Variants in XPR1 observed in about 807,000 individuals in gnomAD.
XPR1 encodes the protein solute carrier family 53 member 1.
A neutral mutation model predicts 87.5 loss-of-function variants in XPR1; 28 were observed. The ratio of observed to expected loss-of-function variants is 0.32; its 90% CI spans 0.24 to 0.44. The LOEUF is 0.44. Ranked by LOEUF, XPR1 falls within the 20% of genes least tolerant of loss-of-function variation. The probability of loss-of-function intolerance (pLI) is 1.00; values close to 1 mark genes in which losing one functional copy is unlikely to be tolerated. For synonymous variants in XPR1, 300 were observed against 306.1 expected, an observed-to-expected ratio of 0.98 and a Z score of 0.21; for missense variants, 559 against 862.3, an observed-to-expected ratio of 0.65 and a Z score of 4.41.
intron 9 of XPR1, among the ~76,000 whole-genome samples, chr1:180,832,173 T>A (rs576180198): frequency 4.6e-5 from 7 of 152,354 alleles, no homozygotes; most frequent in Non-Finnish European, 7.3e-5. Flanking sequence ...TTCATAAGTG[T>A]GTTGGCTGCA....
intron 2 of XPR1, among the ~76,000 whole-genome samples, chr1:180,777,524 G>C (rs1648769578): frequency 6.6e-6 from 1 of 152,024 alleles, no homozygotes; most frequent in South Asian, 2.1e-4. Flanking sequence ...CACATTGCCT[G>C]GTACATAGGA....
intron 2 of XPR1, among the ~76,000 whole-genome samples, chr1:180,684,639 T>C (rs1656701470): frequency 6.6e-6 from 1 of 152,156 alleles, no homozygotes; most frequent in South Asian, 2.1e-4. Context: ...GTTCTTCCAT[T>C]TTTTTGTATC....
intron 2 of XPR1, among the ~76,000 whole-genome samples, chr1:180,688,894 A>T (rs900855786): frequency 6.6e-6 from 1 of 152,034 alleles, no homozygotes; most frequent in African/African-American, 2.4e-5. Flanking sequence ...CCTCTTTCCC[A>T]GGATACTTTT....
chr1:180,795,473 G>T (rs1156454414), intron 3 of XPR1, among the ~76,000 whole-genome samples: 1 of 152,082 alleles, frequency 6.6e-6, no homozygotes, highest in Non-Finnish European at 1.5e-5. Flanking sequence ...AGTAGAAATT[G>T]TAGTTTATTG....
rs147169418 is a variant in XPR1, at chr1:180,737,241, T to TAGGC, written c.122-50511_122-50508dup. ...AGATGGCATCACCCTTGCCATGGAA[T>TAGGC]AGGCTGTTTTCCTACGTTATGTAAG... On this transcript the variant is annotated intron_variant, in intron 2 of 14. Transcript: ENST00000367590. Among the ~76,000 whole-genome samples the TAGGC allele has an allele frequency of 4.5e-3, 692 of 152,264 alleles. 13 individuals carry two copies. The highest frequency in any genetic ancestry group is 0.016 in the African/African-American group (669 of 41,528).
At chr1:180,660,434 A>G (rs1226382184) in intron 1 of XPR1, among the ~76,000 whole-genome samples, 2 of 151,990 alleles carry the variant, frequency 1.3e-5, no homozygotes, top group Non-Finnish European at 2.9e-5. Flanking sequence ...TTTAAGATGC[A>G]TCAATAGGTT....
At chr1:180,656,629 GTATGTATAATATATTATTATA>G (rs1164416163) in intron 1 of XPR1, among the ~76,000 whole-genome samples, 9 of 81,534 alleles carry the variant, frequency 1.1e-4, no homozygotes, top group African/African-American at 5.0e-4. Flanking sequence ...TTTTATATAT[GTATGTATAATATATTATTATA>G]TATAATATAT....
chr1:180,784,075 T>C (rs1186332911), intron 2 of XPR1, among the ~76,000 whole-genome samples: 1 of 151,816 alleles, frequency 6.6e-6, no homozygotes, highest in Non-Finnish European at 1.5e-5. Context: ...AAATGGTGAA[T>C]GAATATCCTT....
At chr1:180,843,436 T>C (rs1243199560) in intron 11 of XPR1, among the ~76,000 whole-genome samples, 1 of 152,168 alleles carries the variant, frequency 6.6e-6, no homozygotes, top group Admixed American at 6.5e-5. Context: ...ATGCAGAAAA[T>C]AAGCAAATTA....
At chr1:180,857,086 A>G (rs920698135) in intron 11 of XPR1, among the ~76,000 whole-genome samples, 4 of 152,262 alleles carry the variant, frequency 2.6e-5, no homozygotes, top group African/African-American at 4.8e-5. Context: ...TACATAAAAT[A>G]TATTATTAAT....
chr1:180,885,482 C>T lies in XPR1; in HGVS notation c.*1416C>T, dbSNP rs2102232749. On this transcript the variant is annotated 3_prime_UTR_variant, in exon 15 of 15. Coordinates refer to ENST00000367590, the MANE Select transcript of XPR1 (RefSeq NM_004736.4). Reference sequence around the variant, plus strand: ...TTGTCACTTCTTTGTCTCATTTCTTCCCTTTGTTCCTTAGTCATCCAAATA... The same window carrying T: ...TTGTCACTTCTTTGTCTCATTTCTTTCCTTTGTTCCTTAGTCATCCAAATA... 1.3e-5 allele frequency: 2 copies of T among 152,278 alleles called. No homozygotes were observed. Among genetic ancestry groups the T allele is most frequent in the South Asian group, 4.2e-4 (2 of 4,816 alleles). 9.4% of individuals were successfully genotyped at this position (152,278 alleles called of 1,614,324 possible). A position where few individuals can be genotyped will look rare whatever the true frequency, so the allele number is the denominator to read the frequency against.
At chr1:180,632,346 C>T in intron 1 of XPR1, 76 bp downstream of exon 1, 1 of 1,529,242 alleles carries the variant, frequency 6.5e-7, no homozygotes, top group Non-Finnish European at 8.9e-7. Flanking sequence ...CCGCCGCCTT[C>T]CGCTTCAGCT....
At chr1:180,762,570 A>G (rs940409059) in intron 2 of XPR1, among the ~76,000 whole-genome samples, 1 of 152,216 alleles carries the variant, frequency 6.6e-6, no homozygotes, top group Non-Finnish European at 1.5e-5. Flanking sequence ...TGTGAACCAA[A>G]AAATTAAGGG....
rs377707791 is a variant in XPR1, at chr1:180,635,246, C to T, written c.69+2976C>T. ...GTGCAAAGAATAAACACAAACAAGC[C>T]GAGACTATTCCTGTTTCCAGTAATC... is the stretch of plus-strand genomic sequence containing the variant. On this transcript the variant is annotated intron_variant, in intron 1 of 14. Transcript: ENST00000367590. Among the ~76,000 whole-genome samples the T allele has an allele frequency of 5.9e-5, 9 of 152,150 alleles. No individual in the cohort carries two copies. In the South Asian group the frequency reaches 6.2e-4, roughly 11 times the overall value.
chr1:180,825,863 C>G (rs1234770300), intron 9 of XPR1, among the ~76,000 whole-genome samples: 1 of 152,156 alleles, frequency 6.6e-6, no homozygotes. Flanking sequence ...CCAGCCTGAC[C>G]AACATGGTGA....
chr1:180,685,335 C>G (rs966639822), intron 2 of XPR1, among the ~76,000 whole-genome samples: 2 of 152,178 alleles, frequency 1.3e-5, no homozygotes, highest in African/African-American at 2.4e-5. Context: ...AGGGTTGAAG[C>G]CCACTTGATC....
At chr1:180,873,719 T>TGTTTGTA in intron 12 of XPR1, 84 bp from the exon 13 acceptor site, 1 of 1,473,534 alleles carries the variant, frequency 6.8e-7, no homozygotes, top group South Asian at 1.3e-5. Flanking sequence ...GTGTGAGTCT[T>TGTTTGTA]GTTTGTAGGA....
At chr1:180,695,905 G>A (rs1319130199) in intron 2 of XPR1, among the ~76,000 whole-genome samples, 1 of 151,820 alleles carries the variant, frequency 6.6e-6, no homozygotes, top group Non-Finnish European at 1.5e-5. Context: ...GATTGCTTTG[G>A]TTATTCGGAG....
intron 11 of XPR1, among the ~76,000 whole-genome samples, chr1:180,839,217 TA>T (rs1651416570): frequency 1.3e-5 from 2 of 152,182 alleles, no homozygotes; most frequent in African/African-American, 4.8e-5. Flanking sequence ...ATATTTTTAG[TA>T]ATGAAATTTT....
Sources: allele counts gnomAD v4.1 joint callset (sites outside exome capture counted in the v4.1 genomes callset), GRCh38; gene constraint gnomAD v4.1.1; transcripts MANE v1.5; gene names NCBI Gene and HGNC (gene_info 2026-07-23, HGNC 2026-07-21).